PRKAG2: variants seen among roughly 807,000 people sequenced by gnomAD.
PRKAG2 encodes the protein protein kinase AMP-activated non-catalytic subunit gamma 2, also known as 5'-AMP-activated protein kinase subunit gamma-2.
A neutral mutation model predicts 69.6 loss-of-function variants in PRKAG2; 26 were observed. The ratio of observed to expected loss-of-function variants is 0.37; its 90% CI spans 0.27 to 0.52. The LOEUF (loss-of-function observed/expected upper bound fraction) is 0.52, where lower values mean the gene tolerates loss of function less well. PRKAG2 is among the 20% of genes least tolerant of loss of function. PRKAG2 has a pLI of 0.90. For synonymous variants in PRKAG2, 293 were observed against 285.0 expected, an observed-to-expected ratio of 1.03 and a Z score of -0.28; for missense variants, 557 against 740.0, an observed-to-expected ratio of 0.75 and a Z score of 2.87.
intron 1 of PRKAG2, among the ~76,000 whole-genome samples, chr7:151,869,265 A>T (rs2080156454): frequency 6.6e-6 from 1 of 152,140 alleles, no homozygotes; most frequent in Non-Finnish European, 1.5e-5. Context: ...CCAGGATTTA[A>T]CTCTTTGCAT....
Position 151,666,878 on chromosome 7 carries a change from A to T in PRKAG2, c.684+8542T>A, listed in dbSNP as rs57950621. Reference sequence around the variant, plus strand: ...GTCAGGATTTTGGTACCATAAATTTAAAAATGAAGGGGAGAAAAATCCCAT... The same window carrying T: ...GTCAGGATTTTGGTACCATAAATTTTAAAATGAAGGGGAGAAAAATCCCAT... On this transcript the variant is annotated intron_variant, in intron 4 of 15. Coordinates refer to ENST00000287878, the MANE Select transcript of PRKAG2 (RefSeq NM_016203.4). 4.7e-3 allele frequency among the ~76,000 whole-genome samples: 721 copies of T among 152,344 alleles called. 3 individuals are homozygous for T. Among genetic ancestry groups the T allele is most frequent in the African/African-American group, 0.017 (690 of 41,586 alleles).
At chr7:151,631,548 G>A (rs1425404955) in intron 5 of PRKAG2, 1 of 359,238 alleles carries the variant, frequency 2.8e-6, no homozygotes, top group Non-Finnish European at 5.9e-6. Context: ...ATGACGGAGT[G>A]AGAGGGTCGC....
rs551410790 is a variant in PRKAG2, at chr7:151,803,511, T to G, written c.115-16970A>C. Among the ~76,000 whole-genome samples, 10 of 152,236 alleles carry G rather than the reference T, an allele frequency of 6.6e-5. No homozygotes were observed. In the South Asian group the frequency reaches 2.1e-3, roughly 32 times the overall value. On this transcript the variant is annotated intron_variant, in intron 1 of 15. Transcript: ENST00000287878. ...TCTCACCCATTTATATCCTACTCAT[T>G]CTTCAAAAACTAGCTGATTCCCACA...
rs1320224660 is a variant in PRKAG2 at position 151,850,232 on chromosome 7, C to T, written c.114+26275G>A. On this transcript the variant is annotated intron_variant, in intron 1 of 15. Coordinates refer to ENST00000287878, the MANE Select transcript of PRKAG2 (RefSeq NM_016203.4). The surrounding 1 kb of genome is among the most constrained non-coding windows in gnomAD (Gnocchi z 4.1). Reference sequence around the variant, plus strand: ...TTACACAGGGACAGTGGGTGTGAACCGGGTGGGCCCAGGAGAAACCTGGAG... The same window carrying T: ...TTACACAGGGACAGTGGGTGTGAACTGGGTGGGCCCAGGAGAAACCTGGAG... Among the ~76,000 whole-genome samples the T allele has an allele frequency of 6.6e-6, 1 of 152,140 alleles. No individual in the cohort carries two copies. The highest frequency in any genetic ancestry group is 6.5e-5 in the Admixed American group (1 of 15,274).
intron 1 of PRKAG2, among the ~76,000 whole-genome samples, chr7:151,852,600 C>T (rs933334192): frequency 6.6e-6 from 1 of 152,036 alleles, no homozygotes; most frequent in Non-Finnish European, 1.5e-5. Flanking sequence ...GTAAGCACCC[C>T]ATTGTTAATG....
chr7:151,824,081 G>A lies in PRKAG2; in HGVS notation c.115-37540C>T, dbSNP rs553914328. On this transcript the variant is annotated intron_variant, in intron 1 of 15. Coordinates refer to ENST00000287878, the MANE Select transcript of PRKAG2 (RefSeq NM_016203.4). ...CCTCTGAGAAGGGAACTGTGAAGTC[G>A]GAAATCTGAGCTTTCCCTTTAAGAA... is the stretch of plus-strand genomic sequence containing the variant. Among the ~76,000 whole-genome samples the A allele has an allele frequency of 7.9e-5, 12 of 152,252 alleles. No homozygotes were observed. In the East Asian group the frequency reaches 1.4e-3, roughly 17 times the overall value.
intron 4 of PRKAG2, among the ~76,000 whole-genome samples, chr7:151,668,350 T>C (rs1414641631): frequency 1.3e-5 from 2 of 152,204 alleles, no homozygotes; most frequent in African/African-American, 4.8e-5. Context: ...CTTCTCTTTA[T>C]AAACTACCCA....
intron 1 of PRKAG2, among the ~76,000 whole-genome samples, chr7:151,867,703 G>A (rs1263985757): frequency 6.6e-6 from 1 of 152,116 alleles, no homozygotes; most frequent in African/African-American, 2.4e-5. Flanking sequence ...TCATCTTTGT[G>A]TCCTCGACAC....
chr7:151,860,617 G>C (rs1182650667), intron 1 of PRKAG2, among the ~76,000 whole-genome samples: 1 of 152,146 alleles, frequency 6.6e-6, no homozygotes, highest in African/African-American at 2.4e-5. Context: ...TGACTTGGGA[G>C]CCTGAGTGTT....
chr7:151,757,080 G>C (rs531864921), intron 3 of PRKAG2, among the ~76,000 whole-genome samples: 1 of 152,060 alleles, frequency 6.6e-6, no homozygotes, highest in Non-Finnish European at 1.5e-5. Context: ...ATGCTCACTC[G>C]CTGAACCACT....
At chr7:151,738,405 C>A (rs988867385) in intron 3 of PRKAG2, among the ~76,000 whole-genome samples, 2 of 152,270 alleles carry the variant, frequency 1.3e-5, no homozygotes, top group African/African-American at 4.8e-5. Flanking sequence ...GGGAGCAAGC[C>A]CCCCAAAATC....
intron 3 of PRKAG2, among the ~76,000 whole-genome samples, chr7:151,678,395 G>A (rs866413568): frequency 2.6e-5 from 4 of 152,204 alleles, no homozygotes; most frequent in South Asian, 2.1e-4. Context: ...TGAGAGGACC[G>A]GCTCAAGGTC....
chr7:151,826,123 C>A (rs572574359), intron 1 of PRKAG2, among the ~76,000 whole-genome samples: 4 of 152,190 alleles, frequency 2.6e-5, no homozygotes, highest in Admixed American at 2.6e-4. Context: ...GCCCTAAACA[C>A]CCCCACCCAT....
rs890402528 is a variant in PRKAG2, at chr7:151,766,373, A to G, written c.466+14779T>C. ...GTCTTGTCAAAAGGAGACATTTTGG[A>G]GTCAACAATGGTAGGTGGGAGGTTG... On this transcript the variant is annotated intron_variant, in intron 3 of 15. Coordinates refer to ENST00000287878, the MANE Select transcript of PRKAG2 (RefSeq NM_016203.4). Among the ~76,000 whole-genome samples the G allele has an allele frequency of 2.0e-5, 3 of 152,322 alleles. No homozygotes were observed. In the South Asian group the frequency reaches 6.2e-4, roughly 32 times the overall value.
chr7:151,735,509 C>G (rs1563554812), intron 3 of PRKAG2, among the ~76,000 whole-genome samples: 1 of 152,158 alleles, frequency 6.6e-6, no homozygotes, highest in East Asian at 1.9e-4. Flanking sequence ...AAGAAGACCT[C>G]TCTCTTCCTG....
At chr7:151,770,474 G>A (rs2151777297) in intron 3 of PRKAG2, among the ~76,000 whole-genome samples, 1 of 152,332 alleles carries the variant, frequency 6.6e-6, no homozygotes, top group South Asian at 2.1e-4. Context: ...ATAAATCCCT[G>A]TCTTCCACTC....
intron 6 of PRKAG2, among the ~76,000 whole-genome samples, chr7:151,579,959 G>A (rs1204094307): frequency 6.6e-6 from 1 of 152,210 alleles, no homozygotes; most frequent in Admixed American, 6.5e-5. Context: ...CATATATCCA[G>A]TGAAGATATC....
intron 1 of PRKAG2, among the ~76,000 whole-genome samples, chr7:151,799,078 C>T (rs1004825073): frequency 1.3e-5 from 2 of 152,010 alleles, no homozygotes; most frequent in Admixed American, 1.3e-4. Context: ...CCAACTGGCC[C>T]GGGCCTGCTG....
At chr7:151,786,597 G>A in intron 1 of PRKAG2, 56 bp from the exon 2 acceptor site, 1 of 1,431,122 alleles carries the variant, frequency 7.0e-7, no homozygotes, top group Non-Finnish European at 9.7e-7. Context: ...CCCAGGGGCT[G>A]CATGGAACTC....
Sources: allele counts gnomAD v4.1 joint callset (sites outside exome capture counted in the v4.1 genomes callset), GRCh38; gene constraint gnomAD v4.1.1; non-coding constraint Gnocchi (gnomAD v3.1); transcripts MANE v1.5; gene names NCBI Gene and HGNC (gene_info 2026-07-23, HGNC 2026-07-21).